PARD3B: variants seen among roughly 807,000 people sequenced by gnomAD.
The protein encoded by PARD3B is partitioning defective 3 homolog B.
In PARD3B, 103 loss-of-function variants were observed where a neutral mutation model predicts 130.2. That is an observed-to-expected ratio of 0.79 (90% confidence interval 0.67 to 0.93). The LOEUF is 0.93. Ranked by LOEUF, PARD3B falls within the 40% of genes least tolerant of loss-of-function variation. PARD3B has a pLI of 0.00. For missense variants in PARD3B, 1,609 were observed against 1,499.2 expected (o/e 1.07, Z -1.21); for synonymous variants, 583 against 553.2 (o/e 1.05, Z -0.76).
At chr2:204,648,312 T>C (rs889735400) in intron 1 of PARD3B, among the ~76,000 whole-genome samples, 4 of 151,154 alleles carry the variant, frequency 2.6e-5, no homozygotes, top group African/African-American at 9.7e-5. Flanking sequence ...TTAATACCTT[T>C]TGAGCTTTAA....
chr2:205,299,004 C>T (rs763673360), intron 16 of PARD3B, among the ~76,000 whole-genome samples: 1 of 152,156 alleles, frequency 6.6e-6, no homozygotes, highest in Admixed American at 6.5e-5. Flanking sequence ...AGTAGCACAA[C>T]TATAAGGATT....
In PARD3B at chr2:205,180,260, A is replaced by G. The variant is rs1015267114; in HGVS notation, c.1924+3683A>G. On this transcript the variant is annotated intron_variant, in intron 13 of 22. Coordinates refer to ENST00000406610, the MANE Select transcript of PARD3B (RefSeq NM_001302769.2). ...TATTACATTTTCATTGTTAGAGGCC[A>G]GTAGATGAAATTTTCTTACTTTTTA... Among the ~76,000 whole-genome samples, 25 of 151,700 alleles carry G rather than the reference A, an allele frequency of 1.6e-4. No individual in the cohort carries two copies. The Admixed American group carries it at 1.6e-3, about 10-fold the overall frequency.
In PARD3B at chr2:204,870,711, A is replaced by T. The variant is rs1232328546; in HGVS notation, c.223-94441A>T. On this transcript the variant is annotated intron_variant, in intron 2 of 22. Transcript: ENST00000406610. Reference sequence around the variant, plus strand: ...TAACTTGGAAGTTTTGTTGCATTTCAGTTGAATAAAAATAATACACAAAAA... The same window carrying T: ...TAACTTGGAAGTTTTGTTGCATTTCTGTTGAATAAAAATAATACACAAAAA... 3.3e-5 allele frequency among the ~76,000 whole-genome samples: 5 copies of T among 152,322 alleles called. No homozygotes were observed. In the East Asian group the frequency reaches 9.7e-4, roughly 29 times the overall value.
intron 15 of PARD3B, among the ~76,000 whole-genome samples, chr2:205,231,412 G>A (rs1021409999): frequency 7.3e-5 from 11 of 150,450 alleles, no homozygotes; most frequent in Admixed American, 1.3e-4. Flanking sequence ...CTGCAGCCTC[G>A]ACCTCCTGGG....
At chr2:204,700,057 T>C (rs897710335) in intron 2 of PARD3B, among the ~76,000 whole-genome samples, 2 of 152,140 alleles carry the variant, frequency 1.3e-5, no homozygotes, top group African/African-American at 4.8e-5. Context: ...GAAATAAATA[T>C]TCAAATAAAG....
chr2:204,582,163 AG>A (rs1454770316), intron 1 of PARD3B, among the ~76,000 whole-genome samples: 3 of 152,138 alleles, frequency 2.0e-5, no homozygotes, highest in African/African-American at 7.2e-5. Context: ...AGCTCTGCAT[AG>A]GTTGCTTAAA....
At chr2:204,553,560 G>A (rs112144499) in intron 1 of PARD3B, among the ~76,000 whole-genome samples, 181 of 66,126 alleles carry the variant, frequency 2.7e-3, no homozygotes, top group Middle Eastern at 0.027. Flanking sequence ...GTGTGTGTGT[G>A]TATATATATA....
At chr2:204,953,447 A>AGAGAGAGAGG (rs1689972960) in intron 2 of PARD3B, among the ~76,000 whole-genome samples, 1 of 151,368 alleles carries the variant, frequency 6.6e-6, no homozygotes, top group African/African-American at 2.4e-5. Flanking sequence ...AGAGAGAGAG[A>AGAGAGAGAGG]GAGAGAGAGA....
intron 11 of PARD3B, 110 bp downstream of exon 11, chr2:205,159,017 T>A: frequency 8.5e-7 from 1 of 1,176,820 alleles, no homozygotes; most frequent in Non-Finnish European, 1.2e-6. Context: ...CCACTGAGAC[T>A]TTCCCGCCAG....
chr2:205,539,719 C>G lies in PARD3B; in HGVS notation c.3181-13605C>G, dbSNP rs533882126. Among the ~76,000 whole-genome samples, 3 of 152,320 alleles carry G rather than the reference C, an allele frequency of 2.0e-5. No homozygotes were observed. The East Asian group carries it at 5.8e-4, about 29-fold the overall frequency. ...CGGTTCTGAAGCTTTGATCAGATCACTGAACACAGTTCTCCAGACCCGAAC... is the reference window on the plus strand; with the variant it reads ...CGGTTCTGAAGCTTTGATCAGATCAGTGAACACAGTTCTCCAGACCCGAAC... On this transcript the variant is annotated intron_variant, in intron 21 of 22. Coordinates refer to ENST00000406610, the MANE Select transcript of PARD3B (RefSeq NM_001302769.2).
chr2:204,733,116 A>C (rs2039587675), intron 2 of PARD3B, among the ~76,000 whole-genome samples: 2 of 152,174 alleles, frequency 1.3e-5, no homozygotes, highest in Non-Finnish European at 2.9e-5. Flanking sequence ...ACAGGAGCCG[A>C]CTGGATGGCA....
intron 21 of PARD3B, among the ~76,000 whole-genome samples, chr2:205,535,741 T>G (rs1334658032): frequency 1.3e-5 from 2 of 152,248 alleles, no homozygotes; most frequent in Non-Finnish European, 2.9e-5. Flanking sequence ...AAAGTGGCTC[T>G]GTGCTCTCTG....
At chr2:204,774,334 C>T (rs961973095) in intron 2 of PARD3B, among the ~76,000 whole-genome samples, 1 of 151,940 alleles carries the variant, frequency 6.6e-6, no homozygotes, top group African/African-American at 2.4e-5. Context: ...ATTCTCAGGA[C>T]CTAATTTTTG....
rs2036069812 is a variant in PARD3B at position 205,185,864 on chromosome 2, G to A, written c.2024+1G>A. 1.2e-6 allele frequency: 2 copies of A among 1,609,066 alleles called. No individual in the cohort carries two copies. Among genetic ancestry groups the A allele is most frequent in the Non-Finnish European group, 1.7e-6 (2 of 1,175,414 alleles). On this transcript the variant is annotated splice_donor_variant, in intron 14 of 22. Coordinates refer to ENST00000406610, the MANE Select transcript of PARD3B (RefSeq NM_001302769.2). LOFTEE classifies it high-confidence loss of function. ...TGGGCCTCGAAGATTACAGCCACAGGTATTGATAAAATGATGTATCGTAAA... is the reference window on the plus strand; with the variant it reads ...TGGGCCTCGAAGATTACAGCCACAGATATTGATAAAATGATGTATCGTAAA...
chr2:204,950,099 C>T (rs1689643630), intron 2 of PARD3B, among the ~76,000 whole-genome samples: 2 of 152,158 alleles, frequency 1.3e-5, no homozygotes, highest in Non-Finnish European at 2.9e-5. Flanking sequence ...TATACAACAA[C>T]TTGAGAGGTA....
chr2:204,784,020 T>C (rs966938898), intron 2 of PARD3B, among the ~76,000 whole-genome samples: 1 of 152,122 alleles, frequency 6.6e-6, no homozygotes, highest in Non-Finnish European at 1.5e-5. Flanking sequence ...AGAAGTGTAT[T>C]TTTCTGGAAA....
chr2:205,282,119 G>A (rs2041213240), intron 16 of PARD3B, among the ~76,000 whole-genome samples: 1 of 151,754 alleles, frequency 6.6e-6, no homozygotes, highest in Non-Finnish European at 1.5e-5. Flanking sequence ...TTTCACCATA[G>A]GAGAAAAATC....
chr2:204,651,057 T>C (rs1405924990), intron 1 of PARD3B, among the ~76,000 whole-genome samples: 1 of 152,082 alleles, frequency 6.6e-6, no homozygotes, highest in Non-Finnish European at 1.5e-5. Context: ...TGAGATGAGA[T>C]TTGGGTGAGG....
chr2:205,402,016 T>C (rs965517014), intron 19 of PARD3B, among the ~76,000 whole-genome samples: 4 of 152,246 alleles, frequency 2.6e-5, no homozygotes, highest in Admixed American at 2.6e-4. Context: ...TACTTTAGTA[T>C]GTGTACTAAG....
Sources: gnomAD v4.1 joint callset for allele counts (sites outside exome capture counted in the v4.1 genomes callset) on GRCh38, gnomAD v4.1.1 for gene constraint, MANE v1.5 for transcripts, NCBI Gene and HGNC (gene_info 2026-07-23, HGNC 2026-07-21) for gene names.